FLNB: variants seen among roughly 807,000 people sequenced by gnomAD.
FLNB encodes filamin B.
Under a neutral mutation model 250.6 loss-of-function variants are expected in FLNB, and 111 were observed. The ratio of observed to expected loss-of-function variants is 0.44; its 90% confidence interval spans 0.38 to 0.52. The LOEUF (loss-of-function observed/expected upper bound fraction) is 0.52, where lower values mean the gene tolerates loss of function less well. Among genes scored for constraint, FLNB ranks in the 20% least tolerant of loss-of-function variants. FLNB has a pLI of 0.00. For missense variants in FLNB, 2,869 were observed against 3,447.8 expected, an observed-to-expected ratio of 0.83 and a Z score of 4.20; for synonymous variants, 1,302 against 1,372.1, an observed-to-expected ratio of 0.95 and a Z score of 1.13.
rs780363553 is a variant in FLNB at position 58,094,967 on chromosome 3, A to T, written c.906+13A>T. 2 of 1,589,816 alleles carry T rather than the reference A, an allele frequency of 1.3e-6. No homozygotes were observed. The highest frequency in any genetic ancestry group is 2.2e-5 in the South Asian group (2 of 90,578). On this transcript the variant is annotated intron_variant, in intron 5 of 45. Transcript: ENST00000295956. Reference sequence around the variant, plus strand: ...GAACAAAGAGGAGGTATGTTGGAGGATGCTGCCTCTCCTTTCCAGCACCTC... The same window carrying T: ...GAACAAAGAGGAGGTATGTTGGAGGTTGCTGCCTCTCCTTTCCAGCACCTC...
At position 58,094,852 on chromosome 3, in the gene FLNB, A is replaced by G; in HGVS notation, c.804A>G (p.Gly268=). Residue 268 remains glycine, a synonymous_variant, in exon 5 of 46, where the codon GGA becomes GGG. Transcript: ENST00000295956. The stretch of plus-strand genomic sequence containing the variant: ...CTGTGGCAGGAATCGAGCCCACTGG[A>G]AACATGGTGAAGCAGCCAGCCAAGT... ...RAYGRGIEPT[G]NMVKQPAKFT... is the part of the protein sequence containing the mutation. The G allele has an allele frequency of 1.2e-6, 2 of 1,614,058 alleles. No homozygotes were observed. The highest frequency in any genetic ancestry group is 1.7e-6 in the Non-Finnish European group (2 of 1,179,944).
At chr3:58,133,077 A>G in intron 26 of FLNB, 146 bp downstream of exon 26, 1 of 923,070 alleles carries the variant, frequency 1.1e-6, no homozygotes, top group Non-Finnish European at 1.7e-6. Flanking sequence ...CCATCCACCC[A>G]TCCATTCCTC....
At chr3:58,109,776 T>A in intron 15 of FLNB, 77 bp downstream of exon 15, 1 of 1,591,526 alleles carries the variant, frequency 6.3e-7, no homozygotes, top group South Asian at 1.1e-5. Flanking sequence ...TTTCAATGCC[T>A]TTTGAACTAG....
chr3:58,009,680 G>A (rs748216762), intron 1 of FLNB, among the ~76,000 whole-genome samples: 7 of 152,300 alleles, frequency 4.6e-5, no homozygotes, highest in Non-Finnish European at 7.3e-5. Context: ...GGGGTCCGGA[G>A]GGTTAATTGA....
At chr3:58,139,331 A>G (rs938430926) in intron 29 of FLNB, among the ~76,000 whole-genome samples, 9 of 152,228 alleles carry the variant, frequency 5.9e-5, no homozygotes, top group African/African-American at 7.2e-5. Context: ...CCATGCTGTC[A>G]TCCTCACTGG....
rs2363684 is a variant in FLNB at position 58,136,433 on chromosome 3, T to C, written c.4861+265T>C. On this transcript the variant is annotated intron_variant, in intron 28 of 45. Coordinates refer to ENST00000295956, the MANE Select transcript of FLNB (RefSeq NM_001457.4). ...GCATGAAAAATGCTTAGCACAGTGC[T>C]AGGTACATGATAACTATTATTATAT... 0.73 allele frequency among the ~76,000 whole-genome samples: 110,466 copies of C among 152,130 alleles called. 41,337 individuals carry two copies. The highest frequency in any genetic ancestry group is 1 in the East Asian group (5,168 of 5,186).
At chr3:58,055,027 G>A (rs1416539042) in intron 1 of FLNB, among the ~76,000 whole-genome samples, 5 of 152,158 alleles carry the variant, frequency 3.3e-5, no homozygotes, top group Non-Finnish European at 5.9e-5. Flanking sequence ...AGCACTTTGG[G>A]AGGTTGAGGT....
chr3:58,124,676 G>T lies in FLNB; in HGVS notation c.3898+171G>T, dbSNP rs116610948. Among the ~76,000 whole-genome samples, 1,583 of 152,326 alleles carry T rather than the reference G, an allele frequency of 0.01. 35 individuals carry two copies. Among genetic ancestry groups the T allele is most frequent in the African/African-American group, 0.036 (1,493 of 41,560 alleles). ...CGCTGCAGTCACCTGCCCACTCAGT[G>T]CCTGGCTTGCTGGCCTTGTGTAATA... On this transcript the variant is annotated intron_variant, in intron 22 of 45. Transcript: ENST00000295956.
chr3:58,142,921 G>T lies in FLNB; in HGVS notation c.5284+169G>T, dbSNP rs763243426. Reference sequence around the variant, plus strand: ...GTGGGCTCCTGAAACTACAGAATATGCCACGTGTGTGTTTCTCTGAAGAAG... The same window carrying T: ...GTGGGCTCCTGAAACTACAGAATATTCCACGTGTGTGTTTCTCTGAAGAAG... On this transcript the variant is annotated intron_variant, in intron 31 of 45. Transcript: ENST00000295956. This position sits in a 1 kb window ranked among gnomAD's most constrained non-coding sequence, Gnocchi z 4.3. Among the ~76,000 whole-genome samples the T allele has an allele frequency of 2.3e-4, 35 of 152,206 alleles. No homozygotes were observed. The highest frequency in any genetic ancestry group is 4.0e-4 in the Non-Finnish European group (27 of 68,032).
chr3:58,081,266 T>C (rs894548820), intron 3 of FLNB, among the ~76,000 whole-genome samples: 2 of 152,220 alleles, frequency 1.3e-5, no homozygotes, highest in African/African-American at 4.8e-5. Context: ...TAACATGCTC[T>C]AATCCCATGT....
At chr3:58,013,909 A>G (rs190056168) in intron 1 of FLNB, among the ~76,000 whole-genome samples, 139 of 152,374 alleles carry the variant, frequency 9.1e-4, no homozygotes, top group African/African-American at 3.1e-3. Context: ...TTAGCATTCA[A>G]TGTCACTTGT....
chr3:58,115,261 T>C (rs898110180), intron 18 of FLNB, among the ~76,000 whole-genome samples: 3 of 152,216 alleles, frequency 2.0e-5, no homozygotes, highest in African/African-American at 7.2e-5. Context: ...TCTTCTTTGT[T>C]GCCAAATTCT....
rs2097306207 is a variant in FLNB at position 58,130,875 on chromosome 3, G to C, written c.4357G>C (p.Ala1453Pro). The C allele has an allele frequency of 6.2e-7, 1 of 1,612,768 alleles. No individual in the cohort carries two copies. The highest frequency in any genetic ancestry group is 1.3e-5 in the African/African-American group (1 of 75,026). Residue 1453 changes from alanine to proline, a missense_variant, in exon 25 of 46, where the codon GCT becomes CCT. Ala to Pro is a conservative substitution (Grantham distance 27). Coordinates refer to ENST00000295956, the MANE Select transcript of FLNB (RefSeq NM_001457.4). ...GGTGGACAGCAGCAAGGCTGGCCTG[G>C]CTCCGCTGGAAGTGAGGGTTCTGGG... ...FTVDSSKAGL[A>P]PLEVRVLGPR...
chr3:58,133,437 G>GAAAA, intron 26 of FLNB, among the ~76,000 whole-genome samples: 1 of 67,602 alleles, frequency 1.5e-5, no homozygotes, highest in Non-Finnish European at 3.6e-5. Context: ...GACATCTCTG[G>GAAAA]AAAAAAAAAA....
chr3:58,072,643 G>A (rs3852008), intron 1 of FLNB, among the ~76,000 whole-genome samples: 38,595 of 152,098 alleles, frequency 0.25, 5,933 homozygotes, highest in Middle Eastern at 0.41. Flanking sequence ...TTGGTGAAGC[G>A]TTTGAACCTT....
At chr3:58,073,061 C>CTCCA (rs2097196933) in intron 1 of FLNB, among the ~76,000 whole-genome samples, 1 of 152,126 alleles carries the variant, frequency 6.6e-6, no homozygotes, top group Non-Finnish European at 1.5e-5. Flanking sequence ...CCGGATGAGA[C>CTCCA]TTCATAGCTC....
chr3:58,159,924 G>A (rs1453500629), intron 42 of FLNB, among the ~76,000 whole-genome samples: 1 of 151,948 alleles, frequency 6.6e-6, no homozygotes, highest in Non-Finnish European at 1.5e-5. Flanking sequence ...AACAAATGCT[G>A]GGCTGGGTAC....
intron 38 of FLNB, among the ~76,000 whole-genome samples, chr3:58,151,647 A>G (rs1201009169): frequency 1.3e-5 from 2 of 152,194 alleles, no homozygotes; most frequent in Admixed American, 6.5e-5. Flanking sequence ...CATCTCTTTC[A>G]TGACCCTGAT....
chr3:58,136,681 C>CT lies in FLNB; in HGVS notation c.4861+522dup, dbSNP rs930336277. Among the ~76,000 whole-genome samples the CT allele has an allele frequency of 7.3e-5, 10 of 137,362 alleles. 1 individual carries two copies. The South Asian group carries it at 9.8e-4, about 13-fold the overall frequency. The allele number at this position is 137,362 out of a possible 152,430, so 90.1% of individuals were successfully genotyped here. A position where few individuals can be genotyped will look rare whatever the true frequency, so the allele number is the denominator to read the frequency against. On this transcript the variant is annotated intron_variant, in intron 28 of 45. Transcript: ENST00000295956. ...GCATCACAGTTTCTTTGGTTTCTTT[C>CT]TTTTTTTTTCCCCTCCTTTTTCCTT... is the stretch of plus-strand genomic sequence containing the variant.
Sources: gnomAD v4.1 joint callset for allele counts (sites outside exome capture counted in the v4.1 genomes callset) on GRCh38, gnomAD v4.1.1 for gene constraint, Gnocchi (gnomAD v3.1) non-coding constraint, MANE v1.5 for transcripts, NCBI Gene and HGNC (gene_info 2026-07-23, HGNC 2026-07-21) for gene names.